MYO5A: variants seen among roughly 807,000 people sequenced by gnomAD.
MYO5A encodes myosin VA.
In MYO5A, 98 loss-of-function variants were observed where a neutral mutation model predicts 249.7. The observed-to-expected ratio is 0.39, with a 90% CI of 0.33 to 0.46. The LOEUF is 0.46. Among genes scored for constraint, MYO5A ranks in the 20% least tolerant of loss-of-function variants. MYO5A has a pLI of 0.98. For missense variants in MYO5A, 1,696 were observed against 2,308.8 expected, an observed-to-expected ratio of 0.73 and a Z score of 5.44; for synonymous variants, 778 against 810.6, an observed-to-expected ratio of 0.96 and a Z score of 0.68.
intron 1 of MYO5A, among the ~76,000 whole-genome samples, chr15:52,504,488 C>A (rs780533119): frequency 6.6e-6 from 1 of 152,170 alleles, no homozygotes; most frequent in African/African-American, 2.4e-5. Flanking sequence ...CCCATATTAC[C>A]TGTATTTCTG....
chr15:52,516,641 A>C (rs1236930999), intron 1 of MYO5A, among the ~76,000 whole-genome samples: 2 of 152,228 alleles, frequency 1.3e-5, no homozygotes, highest in South Asian at 4.1e-4. Context: ...TGACTGCTAT[A>C]AAGATTCCAT....
chr15:52,506,229 T>C (rs2077268041), intron 1 of MYO5A, among the ~76,000 whole-genome samples: 1 of 152,070 alleles, frequency 6.6e-6, no homozygotes, highest in Admixed American at 6.6e-5. Flanking sequence ...CAGGCACCTG[T>C]AGTCCCACCT....
rs1468187442 is a variant in MYO5A, at chr15:52,337,893, A to G, written c.4240-9T>C. 9.2e-6 allele frequency: 14 copies of G among 1,526,532 alleles called. No individual in the cohort carries two copies. In the Middle Eastern group the frequency reaches 5.0e-4, roughly 55 times the overall value. 94.6% of individuals were successfully genotyped at this position (1,526,532 alleles called of 1,614,324 possible). Reference sequence around the variant, plus strand: ...TATAATTCCTCAAAATACTGAAAAAACAGGCACAATGGATATTTGTTTTTG... The same window carrying G: ...TATAATTCCTCAAAATACTGAAAAAGCAGGCACAATGGATATTTGTTTTTG... On this transcript the variant is annotated splice_polypyrimidine_tract_variant and intron_variant, in intron 32 of 41. Transcript: ENST00000399233.
rs774359127 is a variant in MYO5A, at chr15:52,313,656, G to A, written c.*40C>T. On this transcript the variant is annotated 3_prime_UTR_variant, in exon 42 of 42. Transcript: ENST00000399233. ...CTGGAAATAATGGGTTCTTATTTCG[G>A]GCAAGAAATGTATTGTCAATTTTTG... is the stretch of plus-strand genomic sequence containing the variant. 27 of 1,610,738 alleles carry A rather than the reference G, an allele frequency of 1.7e-5. No individual in the cohort carries two copies. In the South Asian group the frequency reaches 3.0e-4, roughly 18 times the overall value.
chr15:52,391,722 A>G (rs1052901719), intron 12 of MYO5A, among the ~76,000 whole-genome samples: 1 of 152,236 alleles, frequency 6.6e-6, no homozygotes, highest in African/African-American at 2.4e-5. Flanking sequence ...ATTTAGAATC[A>G]GCTGAAAAGA....
intron 34 of MYO5A, among the ~76,000 whole-genome samples, chr15:52,332,016 A>G (rs543897925): frequency 6.6e-6 from 1 of 152,348 alleles, no homozygotes; most frequent in South Asian, 2.1e-4. Context: ...GTGTCAGTTT[A>G]AACACAACAC....
intron 13 of MYO5A, among the ~76,000 whole-genome samples, chr15:52,388,125 C>T (rs2042047246): frequency 6.6e-6 from 1 of 152,082 alleles, no homozygotes; most frequent in South Asian, 2.1e-4. Context: ...TCCTAGGAAA[C>T]AGTGGTAGCG....
At chr15:52,356,223 T>C (rs2040209905) in intron 25 of MYO5A, among the ~76,000 whole-genome samples, 2 of 152,186 alleles carry the variant, frequency 1.3e-5, no homozygotes, top group Admixed American at 1.3e-4. Flanking sequence ...AATTCTTAAA[T>C]GATTGGTAAA....
chr15:52,371,124 CA>C (rs553552262), intron 21 of MYO5A, among the ~76,000 whole-genome samples: 103 of 134,808 alleles, frequency 7.6e-4, no homozygotes, highest in Middle Eastern at 7.7e-3. Flanking sequence ...AAACAAAAAA[CA>C]AAAAAAAAAA....
At chr15:52,416,091 G>A in intron 5 of MYO5A, 54 bp downstream of exon 5, 1 of 1,599,040 alleles carries the variant, frequency 6.3e-7, no homozygotes. Flanking sequence ...AATTTTTTGA[G>A]CATGTTTCTT....
intron 31 of MYO5A, among the ~76,000 whole-genome samples, chr15:52,341,604 C>A (rs1309062608): frequency 4.6e-5 from 7 of 152,204 alleles, no homozygotes; most frequent in African/African-American, 1.7e-4. Flanking sequence ...CCCTTGGTTG[C>A]CAACTGCTGG....
At chr15:52,395,909 A>C (rs983195948) in intron 11 of MYO5A, among the ~76,000 whole-genome samples, 1 of 152,250 alleles carries the variant, frequency 6.6e-6, no homozygotes, top group African/African-American at 2.4e-5. Flanking sequence ...TGAAAAGAGA[A>C]TATGTAAAAT....
At chr15:52,458,448 C>T (rs1003398031) in intron 1 of MYO5A, among the ~76,000 whole-genome samples, 13 of 151,824 alleles carry the variant, frequency 8.6e-5, no homozygotes, top group Non-Finnish European at 1.8e-4. Context: ...GGCATGGTGG[C>T]ATCTTTACAA....
intron 28 of MYO5A, among the ~76,000 whole-genome samples, chr15:52,350,771 C>T (rs1362056025): frequency 3.3e-5 from 5 of 152,160 alleles, no homozygotes; most frequent in South Asian, 2.1e-4. Context: ...GACATCACCC[C>T]GCTACTAAAC....
intron 1 of MYO5A, among the ~76,000 whole-genome samples, chr15:52,455,697 C>T (rs996176642): frequency 2.0e-5 from 3 of 150,960 alleles, no homozygotes; most frequent in South Asian, 2.1e-4. Context: ...ATTAACAGAA[C>T]GAAGAACAAA....
intron 32 of MYO5A, among the ~76,000 whole-genome samples, chr15:52,338,362 A>G (rs1279202073): frequency 6.6e-6 from 1 of 152,110 alleles, no homozygotes; most frequent in African/African-American, 2.4e-5. Flanking sequence ...CTTCGCTGAA[A>G]GACAGCACGG....
chr15:52,444,628 A>T (rs1279687931), intron 1 of MYO5A, among the ~76,000 whole-genome samples: 3 of 152,198 alleles, frequency 2.0e-5, no homozygotes, highest in Non-Finnish European at 4.4e-5. Flanking sequence ...TCATTGAATC[A>T]CTTTCTCCTG....
intron 1 of MYO5A, among the ~76,000 whole-genome samples, chr15:52,469,032 T>C (rs28662083): frequency 0.016 from 2,465 of 152,308 alleles, 75 homozygotes; most frequent in African/African-American, 0.057. Flanking sequence ...CCCACGGAGA[T>C]ACTAAAAAAT....
chr15:52,375,856 C>G (rs1225019431), intron 19 of MYO5A, among the ~76,000 whole-genome samples: 1 of 152,218 alleles, frequency 6.6e-6, no homozygotes, highest in East Asian at 1.9e-4. Flanking sequence ...TTTCTTGGAT[C>G]TAGCCATTAT....
Sources: allele counts gnomAD v4.1 joint callset (sites outside exome capture counted in the v4.1 genomes callset), GRCh38; gene constraint gnomAD v4.1.1; transcripts MANE v1.5; gene names NCBI Gene and HGNC (gene_info 2026-07-23, HGNC 2026-07-21).